OR56B1: variants seen among roughly 807,000 people sequenced by gnomAD.
OR56B1 encodes the protein olfactory receptor family 56 subfamily B member 1.
In OR56B1, 13 loss-of-function variants were observed where a neutral mutation model predicts 11.4. The ratio of observed to expected loss-of-function variants is 1.14; its 90% CI spans 0.74 to 1.81. OR56B1 has a LOEUF of 1.81. Among genes scored for constraint, OR56B1 ranks in the 40% most tolerant of loss-of-function variants. The probability of loss-of-function intolerance (pLI) is 0.00; values close to 1 mark genes in which losing one functional copy is unlikely to be tolerated. For missense variants in OR56B1, 434 were observed against 379.3 expected (o/e 1.14, Z -1.20); for synonymous variants, 158 against 143.6 (o/e 1.10, Z -0.72).
chr11:5,737,989 A>AGGGT lies in OR56B1; in HGVS notation c.*498_*499insGGGT. Reference sequence around the variant, plus strand: ...AAGAAAATAATTCAGATAAAGCCAAATCAGTCAATGATGAGGATTTATGTG... The same window carrying AGGGT: ...AAGAAAATAATTCAGATAAAGCCAAAGGGTTCAGTCAATGATGAGGATTTATGTG... On this transcript the variant is annotated 3_prime_UTR_variant, in exon 1 of 1. Coordinates refer to ENST00000317121, the MANE Select transcript of OR56B1 (RefSeq NM_001005180.3). 6.4e-6 allele frequency: 1 copy of AGGGT among 156,444 alleles called. No homozygotes were observed. 9.7% of individuals were successfully genotyped at this position (156,444 alleles called of 1,614,324 possible). A position where few individuals can be genotyped will look rare whatever the true frequency, so the allele number is the denominator to read the frequency against.
In OR56B1 at chr11:5,737,261, A is replaced by G; in HGVS notation, c.745A>G (p.Thr249Ala). 1 of 1,614,120 alleles carries G rather than the reference A, an allele frequency of 6.2e-7. No homozygotes were observed. The highest frequency in any genetic ancestry group is 8.5e-7 in the Non-Finnish European group (1 of 1,179,984). The change falls in exon 1 of 1, where the codon ACT (threonine) becomes GCT (alanine). Residue 249 changes from threonine to alanine, a missense_variant. Transcript: ENST00000317121. Reference sequence around the variant, plus strand: ...TGAAGCTGCAGCCAAGGCCCTGAGCACTTGTAGTTCACATCTCACCCTCAT... The same window carrying G: ...TGAAGCTGCAGCCAAGGCCCTGAGCGCTTGTAGTTCACATCTCACCCTCAT... ...SAEAAAKALSTCSSHLTLILF... is the reference protein window; with the variant it reads ...SAEAAAKALSACSSHLTLILF...
At position 5,737,090 on chromosome 11, in the gene OR56B1, G is replaced by A; in HGVS notation, c.574G>A (p.Gly192Arg). ...TGAACACTGCCTGTGCTCTAACCTT[G>A]GGGTCACAAGCCTGGCTTGTGATGA... is the stretch of plus-strand genomic sequence containing the variant. The part of the protein sequence containing the change: ...EIEHCLCSNL[G>R]VTSLACDDRR... Residue 192 changes from glycine to arginine, a missense_variant, in exon 1 of 1, where the codon GGG (glycine) becomes AGG (arginine). Transcript: ENST00000317121. 1 of 1,613,988 alleles carries A rather than the reference G, an allele frequency of 6.2e-7. No homozygotes were observed. The highest frequency in any genetic ancestry group is 8.5e-7 in the Non-Finnish European group (1 of 1,179,992).
Position 5,736,703 on chromosome 11 carries a change from T to TGAG in OR56B1, c.187_188insGAG (p.Ser63delinsTer), listed in dbSNP as rs1174351321. 8 of 1,613,890 alleles carry TGAG rather than the reference T, an allele frequency of 5.0e-6. No individual in the cohort carries two copies. In the South Asian group the frequency reaches 6.6e-5, roughly 13 times the overall value. On this transcript the variant is annotated stop_gained, in exon 1 of 1. Transcript: ENST00000317121. LOFTEE classifies it high-confidence loss of function. ...CCTCATCATCATCTGGCAGAACCCT[T>TGAG]CTTTACAGCAGCCCATGTATATTTT...
At position 5,737,798 on chromosome 11, in the gene OR56B1, C is replaced by G; in HGVS notation, c.*307C>G. 4.2e-6 allele frequency: 1 copy of G among 235,652 alleles called. No homozygotes were observed. Among genetic ancestry groups the G allele is most frequent in the Non-Finnish European group, 8.4e-6 (1 of 119,528 alleles). 14.6% of individuals were successfully genotyped at this position (235,652 alleles called of 1,614,324 possible). A position where few individuals can be genotyped will look rare whatever the true frequency, so the allele number is the denominator to read the frequency against. On this transcript the variant is annotated 3_prime_UTR_variant, in exon 1 of 1. Coordinates refer to ENST00000317121, the MANE Select transcript of OR56B1 (RefSeq NM_001005180.3). ...GAATATAATCACACACCCACAAATA[C>G]ACACACAGACACACATACATTCAAT...
At position 5,736,533 on chromosome 11, in the gene OR56B1, C is replaced by T. The variant is rs768762211; in HGVS notation, c.17C>T (p.Ala6Val). The T allele has an allele frequency of 3.1e-6, 5 of 1,613,336 alleles. No individual in the cohort carries two copies. The highest frequency in any genetic ancestry group is 2.7e-5 in the African/African-American group (2 of 74,894). ...TGTTGAATCATGAATCATATGTCTG[C>T]ATCTCTCAAAATCTCCAATAGCTCC... is the stretch of plus-strand genomic sequence containing the variant. MNHMSASLKISNSSKF... is the reference protein window; with the variant it reads MNHMSVSLKISNSSKF... Residue 6 changes from alanine (A) to valine (V), a missense_variant, in exon 1 of 1, where the codon GCA becomes GTA. Transcript: ENST00000317121.
In OR56B1 at chr11:5,738,051, A is replaced by G. The variant is rs1045458918; in HGVS notation, c.*560A>G. The G allele has an allele frequency of 4.5e-5, 7 of 153,866 alleles. No individual in the cohort carries two copies. Among genetic ancestry groups the G allele is most frequent in the African/African-American group, 1.7e-4 (7 of 41,468 alleles). 9.5% of individuals were successfully genotyped at this position (153,866 alleles called of 1,614,324 possible). On this transcript the variant is annotated 3_prime_UTR_variant, in exon 1 of 1. Transcript: ENST00000317121. ...GACTCAGCTTGGACAGACAGAACCC[A>G]AAAGATTCATCTAGCTAGAAGGATC...
Position 5,737,749 on chromosome 11 carries a change from ATATC to A in OR56B1, c.*264_*267del. ...TTGGATTTAAAGAACTTAATGATTG[ATATC>A]TATCTCTTAAAATAAAAATGAATAT... On this transcript the variant is annotated 3_prime_UTR_variant, in exon 1 of 1. Coordinates refer to ENST00000317121, the MANE Select transcript of OR56B1 (RefSeq NM_001005180.3). 5.9e-6 allele frequency: 2 copies of A among 337,216 alleles called. No individual in the cohort carries two copies. Among genetic ancestry groups the A allele is most frequent in the East Asian group, 5.1e-5 (1 of 19,638 alleles). 20.9% of individuals were successfully genotyped at this position (337,216 alleles called of 1,614,324 possible).
rs908818136 is a variant in OR56B1, at chr11:5,738,099, C to T, written c.*608C>T. On this transcript the variant is annotated 3_prime_UTR_variant, in exon 1 of 1. Transcript: ENST00000317121. ...ATCTGGTGCTTACGCCGTTTGCCTC[C>T]CCAGATTTGCTGTCTGCCCTTTGTG... The T allele has an allele frequency of 6.5e-6, 1 of 152,742 alleles. No homozygotes were observed. The highest frequency in any genetic ancestry group is 2.4e-5 in the African/African-American group (1 of 41,442). The allele number at this position is 152,742 out of a possible 1,614,324, so 9.5% of individuals were successfully genotyped here. A position where few individuals can be genotyped will look rare whatever the true frequency, so the allele number is the denominator to read the frequency against.
rs1471297079 is a variant in OR56B1 at position 5,736,783 on chromosome 11, G to A, written c.267G>A (p.Lys89=). ...DMGLATTIIP[K]ILAIFWFDAK... is the part of the protein sequence containing the mutation. The stretch of plus-strand genomic sequence containing the variant: ...GTCTGGCCACTACTATCATCCCTAA[G>A]ATCCTGGCCATCTTCTGGTTTGATG... The change falls in exon 1 of 1, where the codon AAG becomes AAA. Residue 89 remains lysine (K), a synonymous_variant. Coordinates refer to ENST00000317121, the MANE Select transcript of OR56B1 (RefSeq NM_001005180.3). 1.2e-6 allele frequency: 2 copies of A among 1,614,002 alleles called. No homozygotes were observed. The highest frequency in any genetic ancestry group is 4.5e-5 in the East Asian group (2 of 44,872).
At position 5,737,174 on chromosome 11, in the gene OR56B1, C is replaced by T; in HGVS notation, c.658C>T (p.Leu220=). The change falls in exon 1 of 1, where the codon CTA becomes TTA. Residue 220 remains leucine, a synonymous_variant. Transcript: ENST00000317121. The stretch of plus-strand genomic sequence containing the variant: ...GGCATGGCTTGGAATGGGGAGTGAT[C>T]TAAGTCTTATTATACTGTCATATAT... The part of the protein sequence containing the change: ...VLAWLGMGSD[L]SLIILSYILI... 1.2e-6 allele frequency: 2 copies of T among 1,613,970 alleles called. No homozygotes were observed. The highest frequency in any genetic ancestry group is 1.1e-5 in the South Asian group (1 of 91,084).
Position 5,736,705 on chromosome 11 carries a change from T to A in OR56B1, c.189T>A (p.Ser63=), listed in dbSNP as rs1853916738. 6.2e-7 allele frequency: 1 copy of A among 1,613,948 alleles called. No homozygotes were observed. The highest frequency in any genetic ancestry group is 1.1e-5 in the South Asian group (1 of 91,090). ...LILIIIWQNP[S]LQQPMYIFLG... is the part of the protein sequence containing the mutation. ...TCATCATCATCTGGCAGAACCCTTC[T>A]TTACAGCAGCCCATGTATATTTTCC... is the stretch of plus-strand genomic sequence containing the variant. Residue 63 remains serine (S), a synonymous_variant, in exon 1 of 1, where the codon TCT becomes TCA. Transcript: ENST00000317121.
rs1853914790 is a variant in OR56B1 at position 5,736,657 on chromosome 11, A to T, written c.141A>T (p.Ala47=). The T allele has an allele frequency of 6.2e-7, 1 of 1,613,970 alleles. No homozygotes were observed. The highest frequency in any genetic ancestry group is 1.3e-5 in the African/African-American group (1 of 75,014). The stretch of plus-strand genomic sequence containing the variant: ...CCCTGGCACTACTGTATCTCTCAGC[A>T]CTTGCTGCAAACACCCTCATCCTCA... ...SLPLALLYLS[A]LAANTLILII... Residue 47 remains alanine (A), a synonymous_variant, in exon 1 of 1, where the codon GCA becomes GCT. Transcript: ENST00000317121.
rs1231326846 is a variant in OR56B1 at position 5,737,689 on chromosome 11, T to C, written c.*198T>C. 2 of 472,786 alleles carry C rather than the reference T, an allele frequency of 4.2e-6. No homozygotes were observed. Among genetic ancestry groups the C allele is most frequent in the African/African-American group, 1.9e-5 (1 of 51,598 alleles). 29.3% of individuals were successfully genotyped at this position (472,786 alleles called of 1,614,324 possible). On this transcript the variant is annotated 3_prime_UTR_variant, in exon 1 of 1. Coordinates refer to ENST00000317121, the MANE Select transcript of OR56B1 (RefSeq NM_001005180.3). ...GACAAAAGCTAAATATTTAAATATA[T>C]TTGAGAATATGGAAGAAATTTCTGC...
In OR56B1 at chr11:5,736,653, C is replaced by T. The variant is rs777950700; in HGVS notation, c.137C>T (p.Ser46Leu). 8 of 1,613,888 alleles carry T rather than the reference C, an allele frequency of 5.0e-6. No individual in the cohort carries two copies. The East Asian group carries it at 1.8e-4, about 36-fold the overall frequency. Residue 46 changes from serine to leucine, a missense_variant, in exon 1 of 1, where the codon TCA becomes TTA. Ser to Leu is a moderately radical substitution (Grantham distance 145). Transcript: ENST00000317121. ...CTGCCCCTGGCACTACTGTATCTCT[C>T]AGCACTTGCTGCAAACACCCTCATC... ...LSLPLALLYL[S>L]ALAANTLILI...
Position 5,736,506 on chromosome 11 carries a change from C to A in OR56B1, c.-11C>A, listed in dbSNP as rs1293321600. Reference sequence around the variant, plus strand: ...ACAATACAAATAGAGATTTGAAATTCATGTTGAATCATGAATCATATGTCT... The same window carrying A: ...ACAATACAAATAGAGATTTGAAATTAATGTTGAATCATGAATCATATGTCT... On this transcript the variant is annotated 5_prime_UTR_variant, in exon 1 of 1. Transcript: ENST00000317121. 2 of 1,611,394 alleles carry A rather than the reference C, an allele frequency of 1.2e-6. No individual in the cohort carries two copies. Among genetic ancestry groups the A allele is most frequent in the East Asian group, 4.5e-5 (2 of 44,858 alleles).
rs116421977 is a variant in OR56B1, at chr11:5,737,485, A to T, written c.969A>T (p.Arg323Ser). The T allele has an allele frequency of 1.6e-4, 252 of 1,608,008 alleles. No homozygotes were observed. In the African/African-American group the frequency reaches 3.1e-3, roughly 19 times the overall value. The change falls in exon 1 of 1, where the codon AGA becomes AGT. Residue 323 changes from arginine to serine, a missense_variant. Coordinates refer to ENST00000317121, the MANE Select transcript of OR56B1 (RefSeq NM_001005180.3). ...TGTTTGCCCTTACAAAAGAAATAAG[A>T]TCTTAGAGACCTTCTCCATGATGTA... ...KVLFALTKEI[R>S]S
In OR56B1 at chr11:5,736,763, G is replaced by A. The variant is rs1319108179; in HGVS notation, c.247G>A (p.Ala83Thr). Residue 83 changes from alanine (A) to threonine (T), a missense_variant, in exon 1 of 1, where the codon GCC becomes ACC. Coordinates refer to ENST00000317121, the MANE Select transcript of OR56B1 (RefSeq NM_001005180.3). ...GILCMVDMGL[A>T]TTIIPKILAI... ...CCTCTGTATGGTAGACATGGGTCTGGCCACTACTATCATCCCTAAGATCCT... is the reference window on the plus strand; with the variant it reads ...CCTCTGTATGGTAGACATGGGTCTGACCACTACTATCATCCCTAAGATCCT... The A allele has an allele frequency of 6.2e-7, 1 of 1,613,878 alleles. No individual in the cohort carries two copies. The highest frequency in any genetic ancestry group is 1.3e-5 in the African/African-American group (1 of 74,906).
Position 5,736,491 on chromosome 11 carries a change from T to C in OR56B1, c.-26T>C, listed in dbSNP as rs753299988. The C allele has an allele frequency of 4.4e-6, 7 of 1,607,876 alleles. No homozygotes were observed. In the African/African-American group the frequency reaches 5.3e-5, roughly 12 times the overall value. On this transcript the variant is annotated 5_prime_UTR_variant, in exon 1 of 1. Transcript: ENST00000317121. ...CTGTGATAACTGAGAACAATACAAATAGAGATTTGAAATTCATGTTGAATC... is the reference window on the plus strand; with the variant it reads ...CTGTGATAACTGAGAACAATACAAACAGAGATTTGAAATTCATGTTGAATC...
Position 5,736,738 on chromosome 11 carries a change from C to T in OR56B1, c.222C>T (p.Ile74=), listed in dbSNP as rs564994358. The T allele has an allele frequency of 7.9e-5, 127 of 1,613,886 alleles. No homozygotes were observed. The highest frequency in any genetic ancestry group is 1.0e-4 in the Non-Finnish European group (123 of 1,179,994). Reference sequence around the variant, plus strand: ...AGCCCATGTATATTTTCCTTGGCATCCTCTGTATGGTAGACATGGGTCTGG... The same window carrying T: ...AGCCCATGTATATTTTCCTTGGCATTCTCTGTATGGTAGACATGGGTCTGG... ...LQQPMYIFLG[I]LCMVDMGLAT... The change falls in exon 1 of 1, where the codon ATC becomes ATT. Residue 74 remains isoleucine (I), a synonymous_variant. Transcript: ENST00000317121.
Sources: gnomAD v4.1 joint callset for allele counts on GRCh38, gnomAD v4.1.1 for gene constraint, MANE v1.5 for transcripts, NCBI Gene and HGNC (gene_info 2026-07-23, HGNC 2026-07-21) for gene names.